C6orf132: variants seen among roughly 807,000 people sequenced by gnomAD.
C6orf132 encodes the protein uncharacterized protein C6orf132.
Under a neutral mutation model 65.3 loss-of-function variants are expected in C6orf132, and 43 were observed. That is an observed-to-expected ratio of 0.66 (90% confidence interval 0.52 to 0.85). The LOEUF (loss-of-function observed/expected upper bound fraction) is 0.85. C6orf132 is among the 40% of genes least tolerant of loss of function. The probability of loss-of-function intolerance (pLI) is 0.00; values close to 1 mark genes in which losing one functional copy is unlikely to be tolerated. For synonymous variants in C6orf132, 631 were observed against 654.1 expected, an observed-to-expected ratio of 0.96 and a Z score of 0.54; for missense variants, 1,488 against 1,548.8, an observed-to-expected ratio of 0.96 and a Z score of 0.66.
intron 1 of C6orf132, among the ~76,000 whole-genome samples, chr6:42,129,221 C>A (rs894305083): frequency 6.6e-6 from 1 of 152,208 alleles, no homozygotes; most frequent in African/African-American, 2.4e-5. Context: ...GATGAGGCCA[C>A]CTGCTGTCCG....
At chr6:42,134,404 G>A (rs1766906196) in intron 1 of C6orf132, among the ~76,000 whole-genome samples, 1 of 152,194 alleles carries the variant, frequency 6.6e-6, no homozygotes, top group South Asian at 2.1e-4. Context: ...GGTTGGCTGG[G>A]AGTGGTGGCT....
intron 2 of C6orf132, among the ~76,000 whole-genome samples, chr6:42,123,553 AG>A (rs1766722237): frequency 6.6e-6 from 1 of 151,888 alleles, no homozygotes; most frequent in Non-Finnish European, 1.5e-5. Flanking sequence ...GGAGAGGAAG[AG>A]GAAGAGAAGA....
At chr6:42,107,657 G>T in intron 3 of C6orf132, 74 bp from the exon 4 acceptor site, 4 of 1,527,928 alleles carry the variant, frequency 2.6e-6, no homozygotes, top group South Asian at 1.2e-5. Flanking sequence ...TTTACCCAGG[G>T]CAGGGGCAGG....
intron 1 of C6orf132, among the ~76,000 whole-genome samples, chr6:42,138,902 C>T (rs1200113592): frequency 7.3e-6 from 1 of 137,138 alleles, no homozygotes; most frequent in Non-Finnish European, 1.6e-5. Flanking sequence ...CTTGCTTGGG[C>T]TGGGAGAGGG....
At chr6:42,142,263 T>C (rs745618415) in intron 1 of C6orf132, 37 bp downstream of exon 1, 1 of 1,537,362 alleles carries the variant, frequency 6.5e-7, no homozygotes, top group South Asian at 1.2e-5. Context: ...GCGCCCTCCG[T>C]CCCCGCCCCA....
At chr6:42,114,480 G>GT (rs1486722663) in intron 2 of C6orf132, among the ~76,000 whole-genome samples, 1 of 152,214 alleles carries the variant, frequency 6.6e-6, no homozygotes, top group Non-Finnish European at 1.5e-5. Context: ...TTTCACTGAT[G>GT]TTTTTTCAGG....
chr6:42,105,820 G>C lies in C6orf132; in HGVS notation c.2092C>G (p.Leu698Val), dbSNP rs2127473226. 6.5e-7 allele frequency: 1 copy of C among 1,537,332 alleles called. No homozygotes were observed. Among genetic ancestry groups the C allele is most frequent in the Non-Finnish European group, 8.7e-7 (1 of 1,146,924 alleles). The change falls in exon 4 of 5, where the codon CTG becomes GTG. Residue 698 changes from leucine (L) to valine (V), a missense_variant. Coordinates refer to ENST00000341865, the MANE Select transcript of C6orf132 (RefSeq NM_001164446.3). The stretch of plus-strand genomic sequence containing the variant: ...ATCAGTTGGGATGTGGTGGTGGGCA[G>C]AGTTGTGGCTGTAGATGCTATGGCA... ...GPAIASTATT[L>V]PTTTSQLMAE...
At chr6:42,137,198 A>C (rs750117129) in intron 1 of C6orf132, among the ~76,000 whole-genome samples, 1 of 152,178 alleles carries the variant, frequency 6.6e-6, no homozygotes, top group African/African-American at 2.4e-5. Context: ...GGTGACAATA[A>C]TTACATTACT....
intron 2 of C6orf132, among the ~76,000 whole-genome samples, chr6:42,128,205 G>T (rs577838881): frequency 6.6e-6 from 1 of 151,842 alleles, no homozygotes; most frequent in African/African-American, 2.4e-5. Flanking sequence ...GATTACAGGC[G>T]TGAGCCACCG....
At chr6:42,133,328 G>C (rs1039677305) in intron 1 of C6orf132, among the ~76,000 whole-genome samples, 3 of 152,248 alleles carry the variant, frequency 2.0e-5, no homozygotes. Context: ...GCACAGCCCC[G>C]TGTCTCATCC....
At chr6:42,115,585 G>A (rs1451151703) in intron 2 of C6orf132, among the ~76,000 whole-genome samples, 1 of 152,124 alleles carries the variant, frequency 6.6e-6, no homozygotes, top group African/African-American at 2.4e-5. Context: ...GGCGGAGCTT[G>A]CAGTGAGCCG....
At chr6:42,114,432 G>A (rs1219981059) in intron 2 of C6orf132, among the ~76,000 whole-genome samples, 2 of 152,122 alleles carry the variant, frequency 1.3e-5, no homozygotes, top group African/African-American at 4.8e-5. Context: ...GGGCCCACAT[G>A]GGCCCACATG....
chr6:42,103,235 A>G lies in C6orf132; in HGVS notation c.*526T>C, dbSNP rs1766323437. The G allele has an allele frequency of 2.3e-5, 9 of 398,178 alleles. No homozygotes were observed. The highest frequency in any genetic ancestry group is 4.0e-5 in the Non-Finnish European group (9 of 226,028). The allele number at this position is 398,178 out of a possible 1,614,324, so 24.7% of individuals were successfully genotyped here. On this transcript the variant is annotated 3_prime_UTR_variant, in exon 5 of 5. Transcript: ENST00000341865. ...ATGCGGCTAGGAACCCCAGGTGTCC[A>G]CTCTTGCTTGGGATGGCAGGTGATG...
At chr6:42,120,615 TGTTTTTTGGG>T (rs1766666333) in intron 2 of C6orf132, among the ~76,000 whole-genome samples, 1 of 150,472 alleles carries the variant, frequency 6.6e-6, no homozygotes, top group African/African-American at 2.5e-5. Flanking sequence ...AATAATAGTG[TGTTTTTTGGG>T]GTTTTTTGTT....
intron 2 of C6orf132, among the ~76,000 whole-genome samples, chr6:42,125,388 C>T (rs1766748260): frequency 6.6e-6 from 1 of 152,188 alleles, no homozygotes; most frequent in Non-Finnish European, 1.5e-5. Flanking sequence ...TTTGTTAACA[C>T]ACATGGTCCA....
chr6:42,104,812 G>C lies in C6orf132; in HGVS notation c.3100C>G (p.Leu1034Val), dbSNP rs1279159823. 6.8e-7 allele frequency: 1 copy of C among 1,476,614 alleles called. No individual in the cohort carries two copies. The highest frequency in any genetic ancestry group is 8.9e-7 in the Non-Finnish European group (1 of 1,120,728). 91.5% of individuals were successfully genotyped at this position (1,476,614 alleles called of 1,614,324 possible). The change falls in exon 4 of 5, where the codon CTC (leucine) becomes GTC (valine). Residue 1034 changes from leucine (L) to valine (V), a missense_variant. Coordinates refer to ENST00000341865, the MANE Select transcript of C6orf132 (RefSeq NM_001164446.3). This position sits in a 1 kb window ranked among gnomAD's most constrained non-coding sequence, Gnocchi z 4.1. Reference sequence around the variant, plus strand: ...CCCGCGGGAAAGCGCGAGAAGCCGAGAGCCGGGGGCGCCCCGGGGCCAGCG... The same window carrying C: ...CCCGCGGGAAAGCGCGAGAAGCCGACAGCCGGGGGCGCCCCGGGGCCAGCG... ...PNAGPGAPPA[L>V]GFSRFPAGAR...
chr6:42,132,449 AG>A (rs1329754152), intron 1 of C6orf132, among the ~76,000 whole-genome samples: 1 of 151,900 alleles, frequency 6.6e-6, no homozygotes, highest in Non-Finnish European at 1.5e-5. Flanking sequence ...AGGGAGGCGG[AG>A]GTTGCAGTGA....
At chr6:42,137,726 C>T (rs1211902803) in intron 1 of C6orf132, among the ~76,000 whole-genome samples, 2 of 151,738 alleles carry the variant, frequency 1.3e-5, no homozygotes, top group Non-Finnish European at 2.9e-5. Context: ...AAACAATTCC[C>T]CTGGAGCTGG....
Position 42,126,144 on chromosome 6 carries a change from C to A in C6orf132, c.252+2528G>T, listed in dbSNP as rs530112681. ...TCGTCCAGGCTGGAGTGCAGTGGTG[C>A]AATCTTGGCTCACTGCAACCTCCGC... is the stretch of plus-strand genomic sequence containing the variant. On this transcript the variant is annotated intron_variant, in intron 2 of 4. Coordinates refer to ENST00000341865, the MANE Select transcript of C6orf132 (RefSeq NM_001164446.3). Among the ~76,000 whole-genome samples, 3 of 152,004 alleles carry A rather than the reference C, an allele frequency of 2.0e-5. 1 individual carries two copies. The East Asian group carries it at 5.8e-4, about 29-fold the overall frequency.
Sources: allele counts gnomAD v4.1 joint callset (sites outside exome capture counted in the v4.1 genomes callset), GRCh38; gene constraint gnomAD v4.1.1; non-coding constraint Gnocchi (gnomAD v3.1); transcripts MANE v1.5; gene names NCBI Gene and HGNC (gene_info 2026-07-23, HGNC 2026-07-21).